The following ADGRE1 variants were observed in gnomAD, a reference collection of about 807,000 sequenced individuals.
The protein encoded by ADGRE1 is EGF-like module receptor 1.
A neutral mutation model predicts 102.7 loss-of-function variants in ADGRE1; 82 were observed. That is an observed-to-expected ratio of 0.80 (90% CI 0.67 to 0.96). The LOEUF (loss-of-function observed/expected upper bound fraction) is 0.96, where lower values mean the gene tolerates loss of function less well. ADGRE1 is among the 40% of genes least tolerant of loss of function. The probability of loss-of-function intolerance (pLI) is 0.00; values close to 1 mark genes in which losing one functional copy is unlikely to be tolerated. For missense variants in ADGRE1, 1,032 were observed against 1,085.3 expected, an observed-to-expected ratio of 0.95 and a Z score of 0.69; for synonymous variants, 398 against 399.6, an observed-to-expected ratio of 1.00 and a Z score of 0.05.
chr19:6,938,526 G>A (rs1303039203), intron 20 of ADGRE1, among the ~76,000 whole-genome samples: 3 of 151,726 alleles, frequency 2.0e-5, no homozygotes, highest in Non-Finnish European at 2.9e-5. Context: ...TGTATTCCAC[G>A]CCCCTAAAAT....
chr19:6,938,098 A>G (rs1384068290), intron 20 of ADGRE1, among the ~76,000 whole-genome samples: 1 of 151,982 alleles, frequency 6.6e-6, no homozygotes, highest in Admixed American at 6.6e-5. Flanking sequence ...ACACTTTGGG[A>G]GGCTAAGGTG....
rs778735272 is a variant in ADGRE1 at position 6,924,816 on chromosome 19, TGTCTCCTCTTG to T, written c.1932_1942del (p.Leu645GlufsTer12). 3.7e-6 allele frequency: 6 copies of T among 1,614,168 alleles called. No individual in the cohort carries two copies. In the South Asian group the frequency reaches 6.6e-5, roughly 18 times the overall value. On this transcript the variant is annotated frameshift_variant, in exon 15 of 21. Transcript: ENST00000312053. LOFTEE classifies it high-confidence loss of function. ...CTACCTCCACCTGCACCTCTGCGTGTGTCTCCTCTTGGCGAAGACTCTCTTCCTCGCCGGTA... is the reference window on the plus strand; with the variant it reads ...CTACCTCCACCTGCACCTCTGCGTGTGCGAAGACTCTCTTCCTCGCCGGTA...
chr19:6,888,046 AAC>A (rs1160725299), intron 1 of ADGRE1, among the ~76,000 whole-genome samples: 13 of 152,216 alleles, frequency 8.5e-5, no homozygotes, highest in Admixed American at 2.0e-4. Flanking sequence ...CAATTGTCAC[AAC>A]ATTTCTATGA....
At chr19:6,929,567 C>T (rs1026101480) in intron 17 of ADGRE1, among the ~76,000 whole-genome samples, 5 of 151,724 alleles carry the variant, frequency 3.3e-5, no homozygotes, top group African/African-American at 9.7e-5. Flanking sequence ...CTGTCACCCA[C>T]GCTGGAGTGC....
intron 13 of ADGRE1, among the ~76,000 whole-genome samples, chr19:6,920,468 T>G (rs1465624153): frequency 1.3e-5 from 2 of 148,350 alleles, no homozygotes; most frequent in African/African-American, 2.5e-5. Flanking sequence ...ATCCGCCCGC[T>G]TTGGCCTCCC....
chr19:6,919,807 G>C, intron 13 of ADGRE1, 60 bp downstream of exon 13: 1 of 1,531,832 alleles, frequency 6.5e-7, no homozygotes, highest in Non-Finnish European at 9.0e-7. Flanking sequence ...CTCGTCTCTC[G>C]ATTGCCTTAA....
intron 17 of ADGRE1, among the ~76,000 whole-genome samples, chr19:6,929,801 A>T (rs1017881716): frequency 6.6e-6 from 1 of 152,124 alleles, no homozygotes; most frequent in Non-Finnish European, 1.5e-5. Flanking sequence ...GATTACAGGC[A>T]TATGCCACTA....
chr19:6,919,425 TCTCC>T, intron 12 of ADGRE1, 119 bp from the exon 13 acceptor site: 1 of 565,490 alleles, frequency 1.8e-6, no homozygotes, highest in Non-Finnish European at 2.9e-6. Context: ...TCTCTCTCTC[TCTCC>T]CCCTCCCTCC....
chr19:6,917,788 A>G (rs1280023373), intron 12 of ADGRE1, among the ~76,000 whole-genome samples: 1 of 151,788 alleles, frequency 6.6e-6, no homozygotes, highest in African/African-American at 2.4e-5. Flanking sequence ...AGTTTATTAC[A>G]TTTGGACTTT....
Position 6,916,482 on chromosome 19 carries a change from G to A in ADGRE1, c.1420+114G>A, listed in dbSNP as rs467439. 810,312 of 1,379,116 alleles carry A rather than the reference G, an allele frequency of 0.59. 247,275 individuals are homozygous for A. Among genetic ancestry groups the A allele is most frequent in the East Asian group, 0.8 (33,209 of 41,668 alleles). The allele number at this position is 1,379,116 out of a possible 1,614,324, so 85.4% of individuals were successfully genotyped here. Reference sequence around the variant, plus strand: ...AGATAGTTGAGAACCAATGAGGGTAGAAATGGTCCATGCTCTCAGAGAGTT... The same window carrying A: ...AGATAGTTGAGAACCAATGAGGGTAAAAATGGTCCATGCTCTCAGAGAGTT... On this transcript the variant is annotated intron_variant, in intron 12 of 20. Transcript: ENST00000312053.
chr19:6,913,891 G>T, intron 11 of ADGRE1, 61 bp downstream of exon 11: 1 of 1,486,454 alleles, frequency 6.7e-7, no homozygotes, highest in East Asian at 2.4e-5. Context: ...GTTGACTTTG[G>T]CAATGGGATA....
At chr19:6,919,829 T>C (rs1432479387) in intron 13 of ADGRE1, 82 bp downstream of exon 13, 1 of 1,396,200 alleles carries the variant, frequency 7.2e-7, no homozygotes, top group African/African-American at 1.4e-5. Context: ...TCTCATTTTT[T>C]ACGGGAAGCT....
intron 4 of ADGRE1, 54 bp downstream of exon 4, chr19:6,897,358 G>A (rs1973598816): frequency 1.9e-6 from 3 of 1,609,802 alleles, no homozygotes; most frequent in Non-Finnish European, 8.5e-7. Flanking sequence ...TATCAGTGGG[G>A]TGAGTTCATG....
Position 6,916,363 on chromosome 19 carries a change from C to T in ADGRE1, c.1415C>T (p.Ser472Phe). 6.2e-7 allele frequency: 1 copy of T among 1,612,956 alleles called. No individual in the cohort carries two copies. Among genetic ancestry groups the T allele is most frequent in the Non-Finnish European group, 8.5e-7 (1 of 1,179,404 alleles). ...TGTTCCACAATTGAGGAATCTGAAT[C>T]CACAGGTACAGGTCCTCTCCTGAGA... ...IGCSTIEESE[S>F]TETTGVAFVS... Residue 472 changes from serine to phenylalanine, a missense_variant, in exon 12 of 21, where the codon TCC becomes TTC. Transcript: ENST00000312053.
intron 10 of ADGRE1, among the ~76,000 whole-genome samples, chr19:6,910,090 A>G (rs1438005916): frequency 3.3e-5 from 5 of 152,090 alleles, no homozygotes. Context: ...CATTTTCTTT[A>G]TAAATCTGGT....
intron 16 of ADGRE1, among the ~76,000 whole-genome samples, chr19:6,927,491 C>G (rs2145004728): frequency 6.6e-6 from 1 of 152,100 alleles, no homozygotes; most frequent in East Asian, 1.9e-4. Context: ...GTTACACAAG[C>G]AATTAAACAA....
chr19:6,931,751 T>TA (rs1362570084), intron 17 of ADGRE1, among the ~76,000 whole-genome samples: 2 of 149,430 alleles, frequency 1.3e-5, no homozygotes, highest in East Asian at 3.9e-4. Context: ...TGAGCCGAGA[T>TA]AACATCACTG....
At chr19:6,911,278 A>C (rs1334504145) in intron 10 of ADGRE1, among the ~76,000 whole-genome samples, 1 of 151,902 alleles carries the variant, frequency 6.6e-6, no homozygotes, top group East Asian at 1.9e-4. Flanking sequence ...GGATAGATAG[A>C]AACTTGTATT....
In ADGRE1 at chr19:6,919,652, C is replaced by T; in HGVS notation, c.1525C>T (p.Leu509=). The part of the protein sequence containing the change: ...QAPLTTSEIK[L]KMNSRVVGGI... ...TCCCTTGACCACCTCTGAGATCAAG[C>T]TGAAGATGAATTCTCGAGTCGTTGG... Residue 509 remains leucine, a synonymous_variant, in exon 13 of 21, where the codon CTG becomes TTG. Coordinates refer to ENST00000312053, the MANE Select transcript of ADGRE1 (RefSeq NM_001974.5). The T allele has an allele frequency of 6.2e-7, 1 of 1,613,532 alleles. No homozygotes were observed. The highest frequency in any genetic ancestry group is 1.1e-5 in the South Asian group (1 of 91,038).
Sources: gnomAD v4.1 joint callset for allele counts (sites outside exome capture counted in the v4.1 genomes callset) on GRCh38, gnomAD v4.1.1 for gene constraint, MANE v1.5 for transcripts, NCBI Gene and HGNC (gene_info 2026-07-23, HGNC 2026-07-21) for gene names.